Variants in PTPRK observed in about 807,000 individuals in gnomAD.
PTPRK encodes the protein receptor-type tyrosine-protein phosphatase kappa.
In PTPRK, 75 loss-of-function variants were observed where a neutral mutation model predicts 178.0. The ratio of observed to expected loss-of-function variants is 0.42; its 90% CI spans 0.35 to 0.51. PTPRK has a LOEUF of 0.51. PTPRK is among the 20% of genes least tolerant of loss of function. The probability of loss-of-function intolerance (pLI) is 0.02; values close to 1 mark genes in which losing one functional copy is unlikely to be tolerated. For missense variants in PTPRK, 1,441 were observed against 1,797.8 expected (o/e 0.80, Z 3.59); for synonymous variants, 637 against 620.6 (o/e 1.03, Z -0.39).
In PTPRK at chr6:128,200,199, T is replaced by A. The variant is rs73588685; in HGVS notation, c.869-15474A>T. ...ATCATGCAAAGTTAGGTCTTTAATG[T>A]CTTGATATTATTTGTACTCTGCATT... On this transcript the variant is annotated intron_variant, in intron 6 of 29. Transcript: ENST00000368226. Among the ~76,000 whole-genome samples the A allele has an allele frequency of 9.7e-3, 1,476 of 152,304 alleles. 19 individuals carry two copies. The highest frequency in any genetic ancestry group is 0.034 in the African/African-American group (1,402 of 41,558).
chr6:128,138,070 G>A (rs1346994738), intron 7 of PTPRK, among the ~76,000 whole-genome samples: 3 of 152,056 alleles, frequency 2.0e-5, no homozygotes, highest in African/African-American at 7.2e-5. Flanking sequence ...AAGGAAGGAT[G>A]TGTATTTGGA....
intron 1 of PTPRK, among the ~76,000 whole-genome samples, chr6:128,457,975 T>C (rs1017014757): frequency 6.6e-6 from 1 of 152,142 alleles, no homozygotes; most frequent in Non-Finnish European, 1.5e-5. Context: ...TGTTAACTCC[T>C]TAACATTTCC....
At chr6:128,160,281 CT>C (rs528903574) in intron 7 of PTPRK, among the ~76,000 whole-genome samples, 55 of 151,766 alleles carry the variant, frequency 3.6e-4, no homozygotes, top group African/African-American at 1.2e-3. Context: ...AAATACTACT[CT>C]TTTTATACAC....
At chr6:128,311,088 T>G (rs1475226032) in intron 3 of PTPRK, among the ~76,000 whole-genome samples, 1 of 152,150 alleles carries the variant, frequency 6.6e-6, no homozygotes, top group Admixed American at 6.6e-5. Flanking sequence ...TGAATAGACT[T>G]TTAAAAAATA....
At chr6:128,372,628 G>T (rs1272047920) in intron 2 of PTPRK, among the ~76,000 whole-genome samples, 3 of 152,136 alleles carry the variant, frequency 2.0e-5, no homozygotes, top group Non-Finnish European at 4.4e-5. Context: ...ATTAATACTT[G>T]ATTTTAGGTT....
intron 3 of PTPRK, among the ~76,000 whole-genome samples, chr6:128,272,230 T>C (rs745372085): frequency 1.3e-5 from 2 of 152,122 alleles, no homozygotes; most frequent in Non-Finnish European, 2.9e-5. Flanking sequence ...AAGACTTAAA[T>C]GTTAGACCTA....
intron 6 of PTPRK, among the ~76,000 whole-genome samples, chr6:128,203,891 ATTGATG>A: frequency 6.6e-6 from 1 of 152,176 alleles, no homozygotes; most frequent in South Asian, 2.1e-4. Flanking sequence ...TTAGACTACT[ATTGATG>A]TTCCTCATAA....
At chr6:128,359,863 G>C (rs1193517384) in intron 2 of PTPRK, among the ~76,000 whole-genome samples, 1 of 152,188 alleles carries the variant, frequency 6.6e-6, no homozygotes, top group African/African-American at 2.4e-5. Flanking sequence ...ATTAGCCATA[G>C]AGTGCATGGC....
intron 3 of PTPRK, among the ~76,000 whole-genome samples, chr6:128,252,802 T>C (rs1164601400): frequency 6.6e-6 from 1 of 152,190 alleles, no homozygotes; most frequent in Non-Finnish European, 1.5e-5. Flanking sequence ...GATTAAAAGA[T>C]ATTATACACA....
intron 13 of PTPRK, among the ~76,000 whole-genome samples, chr6:128,013,165 C>T (rs1779231710): frequency 6.6e-6 from 1 of 151,374 alleles, no homozygotes; most frequent in African/African-American, 2.4e-5. Flanking sequence ...CTGGGACTTC[C>T]ATGAACTTGG....
chr6:128,255,284 G>A (rs907704781), intron 3 of PTPRK, among the ~76,000 whole-genome samples: 4 of 152,098 alleles, frequency 2.6e-5, no homozygotes, highest in Admixed American at 6.6e-5. Context: ...CCACCATGCC[G>A]GGCCCTAAAT....
chr6:128,441,394 C>A (rs927178232), intron 1 of PTPRK, among the ~76,000 whole-genome samples: 1 of 151,630 alleles, frequency 6.6e-6, no homozygotes, highest in African/African-American at 2.4e-5. Flanking sequence ...CAAAAGTAAG[C>A]AACAAAGAGA....
chr6:127,993,668 C>T (rs1583551954), intron 18 of PTPRK, among the ~76,000 whole-genome samples: 1 of 151,418 alleles, frequency 6.6e-6, no homozygotes, highest in African/African-American at 2.4e-5. Context: ...TAATATACCA[C>T]AATGTTTTAT....
intron 7 of PTPRK, among the ~76,000 whole-genome samples, chr6:128,104,380 C>T (rs967178971): frequency 1.3e-5 from 2 of 152,270 alleles, no homozygotes. Context: ...GCACTGGCCA[C>T]TACGCCGGGC....
intron 1 of PTPRK, among the ~76,000 whole-genome samples, chr6:128,482,838 T>C (rs898683642): frequency 6.6e-6 from 1 of 152,166 alleles, no homozygotes; most frequent in Non-Finnish European, 1.5e-5. Context: ...AGATAGCATC[T>C]GTCTCTTACA....
In PTPRK at chr6:128,502,702, T is replaced by C. The variant is rs115078624; in HGVS notation, c.100+17557A>G. 4.4e-3 allele frequency among the ~76,000 whole-genome samples: 663 copies of C among 152,302 alleles called. 6 individuals carry two copies. Among genetic ancestry groups the C allele is most frequent in the African/African-American group, 0.015 (628 of 41,558 alleles). ...TAAATTATATAAACTTACAGCTAAA[T>C]AAATTATATTAAAAACAGAGGTAAT... On this transcript the variant is annotated intron_variant, in intron 1 of 29. Coordinates refer to ENST00000368226, the MANE Select transcript of PTPRK (RefSeq NM_002844.4).
intron 3 of PTPRK, among the ~76,000 whole-genome samples, chr6:128,253,290 G>T (rs1027886701): frequency 1.3e-5 from 2 of 152,140 alleles, no homozygotes; most frequent in Admixed American, 6.5e-5. Flanking sequence ...ATCTAAAAAT[G>T]CCCTTAAACA....
At chr6:128,422,251 C>A (rs1409450203) in intron 1 of PTPRK, among the ~76,000 whole-genome samples, 1 of 152,096 alleles carries the variant, frequency 6.6e-6, no homozygotes, top group Non-Finnish European at 1.5e-5. Context: ...ATTTCATTAT[C>A]TTTAATTAGT....
At chr6:128,193,288 A>G (rs1370464762) in intron 6 of PTPRK, among the ~76,000 whole-genome samples, 1 of 150,902 alleles carries the variant, frequency 6.6e-6, no homozygotes, top group Non-Finnish European at 1.5e-5. Context: ...GTGAAAAAAA[A>G]AAAAAAAAAA....
Sources: allele counts gnomAD v4.1 joint callset (sites outside exome capture counted in the v4.1 genomes callset), GRCh38; gene constraint gnomAD v4.1.1; transcripts MANE v1.5; gene names NCBI Gene and HGNC (gene_info 2026-07-23, HGNC 2026-07-21).